SGCD: variants seen among roughly 807,000 people sequenced by gnomAD.
The protein encoded by SGCD is sarcoglycan delta.
A neutral mutation model predicts 36.6 loss-of-function variants in SGCD; 18 were observed. That is an observed-to-expected ratio of 0.49 (90% confidence interval 0.34 to 0.73). The LOEUF (loss-of-function observed/expected upper bound fraction) is 0.73. Ranked by LOEUF, SGCD falls within the 30% of genes least tolerant of loss-of-function variation. SGCD has a pLI of 0.01. For synonymous variants in SGCD, 133 were observed against 130.6 expected (o/e 1.02, Z -0.12); for missense variants, 387 against 346.7 (o/e 1.12, Z -0.92).
rs1171072619 is a variant in SGCD, at chr5:156,032,706, C to CAAAAAA, written c.-281-85147_-281-85142dup. Among the ~76,000 whole-genome samples the CAAAAAA allele has an allele frequency of 5.5e-3, 83 of 15,066 alleles. 14 individuals carry two copies. Among genetic ancestry groups the CAAAAAA allele is most frequent in the Admixed American group, 0.013 (9 of 682 alleles). The allele number at this position is 15,066 out of a possible 152,430, so 9.9% of individuals were successfully genotyped here. ...TGGGCGACAGAGCAAGACTCCGTCT[C>CAAAAAA]AAAAAAAAAAAAAAAAAAAAAAAAA... On this transcript the variant is annotated intron_variant, in intron 1 of 9. Coordinates refer to the SGCD transcript ENST00000517913.
At chr5:156,072,141 A>C (rs1277824214) in intron 1 of SGCD, among the ~76,000 whole-genome samples, 1 of 151,104 alleles carries the variant, frequency 6.6e-6, no homozygotes, top group Non-Finnish European at 1.5e-5. Context: ...TTTAAAGTTA[A>C]TATTGTTATG....
intron 4 of SGCD, among the ~76,000 whole-genome samples, chr5:156,516,402 G>A (rs1384550450): frequency 6.6e-6 from 1 of 152,140 alleles, no homozygotes; most frequent in Non-Finnish European, 1.5e-5. Context: ...CCCAGGAGTG[G>A]CCCCCCAGCA....
chr5:156,072,321 G>A (rs1253066007), intron 1 of SGCD, among the ~76,000 whole-genome samples: 3 of 151,888 alleles, frequency 2.0e-5, no homozygotes, highest in African/African-American at 7.3e-5. Context: ...TTTAGGGCAG[G>A]TCTGGTGGTC....
the SGCD span, among the ~76,000 whole-genome samples, chr5:155,731,480 C>T: frequency 6.6e-6 from 1 of 152,110 alleles, no homozygotes. Context: ...CCTTAAGTAG[C>T]CAGCCCTTGG....
intron 2 of SGCD, among the ~76,000 whole-genome samples, chr5:156,338,802 G>T (rs1297383645): frequency 6.6e-6 from 1 of 152,122 alleles, no homozygotes. Flanking sequence ...AGTCACTGAG[G>T]TGTTGGTGGT....
Position 156,613,281 on chromosome 5 carries a change from T to C in SGCD, c.502+18230T>C, listed in dbSNP as rs147482405. 6.6e-5 allele frequency among the ~76,000 whole-genome samples: 10 copies of C among 152,350 alleles called. No individual in the cohort carries two copies. The East Asian group carries it at 1.7e-3, about 26-fold the overall frequency. ...TGGTAATAGCTGAGTTTCAAAGGACTCATCAAATCCTGAAATTGTACACAG... is the reference window on the plus strand; with the variant it reads ...TGGTAATAGCTGAGTTTCAAAGGACCCATCAAATCCTGAAATTGTACACAG... On this transcript the variant is annotated intron_variant, in intron 6 of 8. Transcript: ENST00000337851.
At chr5:156,382,460 G>T (rs2127748666) in intron 3 of SGCD, among the ~76,000 whole-genome samples, 1 of 152,286 alleles carries the variant, frequency 6.6e-6, no homozygotes, top group African/African-American at 2.4e-5. Flanking sequence ...ACTCTTTGGT[G>T]TCTTGATGTA....
At chr5:155,745,211 GA>G in the SGCD span, among the ~76,000 whole-genome samples, 1,759 of 152,238 alleles carry the variant, frequency 0.012, 43 homozygotes, top group African/African-American at 0.04. Flanking sequence ...ACTTACAAAA[GA>G]AAATAATCCC....
At chr5:156,336,138 G>T (rs1768341201) in intron 2 of SGCD, among the ~76,000 whole-genome samples, 1 of 152,024 alleles carries the variant, frequency 6.6e-6, no homozygotes, top group Non-Finnish European at 1.5e-5. Context: ...TTCTCCTCCG[G>T]TGCACTCTGA....
At chr5:156,742,868 T>A (rs1218157203) in intron 7 of SGCD, among the ~76,000 whole-genome samples, 3 of 152,200 alleles carry the variant, frequency 2.0e-5, no homozygotes, top group African/African-American at 7.2e-5. Flanking sequence ...ATAGATTAGA[T>A]GAAACTCACT....
chr5:156,529,423 C>CAAAAAAAAA lies in SGCD; in HGVS notation c.294+20734_294+20742dup, dbSNP rs397884521. On this transcript the variant is annotated intron_variant, in intron 4 of 8. Transcript: ENST00000337851. ...CTGACAACAGGGTGTGACTCTGTCT[C>CAAAAAAAAA]AAAAAAAAAAAAAAAAAAAAAGGCA... 3.4e-5 allele frequency among the ~76,000 whole-genome samples: 2 copies of CAAAAAAAAA among 59,146 alleles called. 1 individual carries two copies. Among genetic ancestry groups the CAAAAAAAAA allele is most frequent in the African/African-American group, 1.3e-4 (2 of 15,944 alleles). The allele number at this position is 59,146 out of a possible 152,430, so 38.8% of individuals were successfully genotyped here.
chr5:155,929,564 T>G (rs984302336), intron 1 of SGCD, among the ~76,000 whole-genome samples: 1 of 152,164 alleles, frequency 6.6e-6, no homozygotes, highest in African/African-American at 2.4e-5. Context: ...CACTAATCTC[T>G]TCTATTCCAT....
At chr5:156,142,299 T>C (rs1181748778) in intron 3 of SGCD, among the ~76,000 whole-genome samples, 9 of 152,202 alleles carry the variant, frequency 5.9e-5, no homozygotes, top group African/African-American at 2.2e-4. Flanking sequence ...AAACCTCTTT[T>C]CTTTATAAAT....
intron 3 of SGCD, among the ~76,000 whole-genome samples, chr5:156,478,919 A>T (rs534770055): frequency 6.6e-6 from 1 of 152,054 alleles, no homozygotes; most frequent in East Asian, 2.0e-4. Flanking sequence ...ACTACCTCTT[A>T]GTCCTTTCTG....
chr5:155,841,824 C>T, the SGCD span, among the ~76,000 whole-genome samples: 1 of 152,072 alleles, frequency 6.6e-6, no homozygotes, highest in Non-Finnish European at 1.5e-5. Flanking sequence ...AGAAAAAAAG[C>T]CCAGATGTGT....
intron 3 of SGCD, among the ~76,000 whole-genome samples, chr5:156,448,731 C>CTTTTTCT: frequency 1.3e-5 from 1 of 76,016 alleles, no homozygotes; most frequent in Non-Finnish European, 2.4e-5. Context: ...TTTTCTTTTT[C>CTTTTTCT]TTTTTTTTTT....
rs1756346179 is a variant in SGCD, at chr5:155,899,699, G to A, written c.-282+29275G>A. On this transcript the variant is annotated intron_variant, in intron 1 of 9. Coordinates refer to the SGCD transcript ENST00000517913. ...CCCATCACAATTAGTTAGAATTTAT[G>A]ATTTGCTTTATGGAGGGCAATGAGG... 2.0e-5 allele frequency among the ~76,000 whole-genome samples: 3 copies of A among 152,052 alleles called. 1 individual carries two copies. The South Asian group carries it at 6.2e-4, about 32-fold the overall frequency.
chr5:155,749,622 G>A, the SGCD span, among the ~76,000 whole-genome samples: 2 of 152,204 alleles, frequency 1.3e-5, no homozygotes, highest in African/African-American at 2.4e-5. Flanking sequence ...TGTATTTAAA[G>A]GGGGGCAGCC....
At chr5:156,563,082 C>T (rs1455436553) in intron 4 of SGCD, among the ~76,000 whole-genome samples, 4 of 152,110 alleles carry the variant, frequency 2.6e-5, no homozygotes, top group East Asian at 1.9e-4. Flanking sequence ...CAGGTTCAAG[C>T]GATTCTCCTC....
Sources: gnomAD v4.1 joint callset for allele counts (sites outside exome capture counted in the v4.1 genomes callset) on GRCh38, gnomAD v4.1.1 for gene constraint, MANE v1.5 for transcripts, NCBI Gene and HGNC (gene_info 2026-07-23, HGNC 2026-07-21) for gene names.